The following PRMT8 variants were observed in gnomAD, a reference collection of about 807,000 sequenced individuals.
The protein encoded by PRMT8 is protein arginine methyltransferase 8, also known as protein arginine N-methyltransferase 8.
In PRMT8, 7 loss-of-function variants were observed where a neutral mutation model predicts 47.1. The observed-to-expected ratio is 0.15, with a 90% confidence interval of 0.08 to 0.28. The LOEUF is 0.28. Ranked by LOEUF, PRMT8 falls within the 10% of genes least tolerant of loss-of-function variation. The probability of loss-of-function intolerance (pLI) is 1.00; values close to 1 mark genes in which losing one functional copy is unlikely to be tolerated. For missense variants in PRMT8, 237 were observed against 505.4 expected (o/e 0.47, Z 5.09); for synonymous variants, 188 against 186.5 (o/e 1.01, Z -0.07).
intron 1 of PRMT8, among the ~76,000 whole-genome samples, chr12:3,457,968 G>A (rs982924304): frequency 6.6e-6 from 1 of 150,818 alleles, no homozygotes; most frequent in Admixed American, 6.6e-5. Flanking sequence ...TCAGCCTCCT[G>A]AGTAGCTGGG....
At chr12:3,451,697 G>A (rs1471898579) in intron 1 of PRMT8, among the ~76,000 whole-genome samples, 3 of 152,162 alleles carry the variant, frequency 2.0e-5, no homozygotes, top group Admixed American at 6.5e-5. Flanking sequence ...TTTCCCACCC[G>A]CTTAGGCCGC....
At chr12:3,464,984 C>T (rs534149155) in intron 1 of PRMT8, among the ~76,000 whole-genome samples, 2 of 151,266 alleles carry the variant, frequency 1.3e-5, no homozygotes, top group South Asian at 2.1e-4. Flanking sequence ...ATTAGCCGGG[C>T]GTGGTGGTGC....
At chr12:3,421,838 T>A (rs764510562) in intron 1 of PRMT8, among the ~76,000 whole-genome samples, 4 of 152,234 alleles carry the variant, frequency 2.6e-5, no homozygotes, top group Admixed American at 6.5e-5. Flanking sequence ...CTCAGAGCCA[T>A]GAGCAACGGG....
Position 3,583,020 on chromosome 12 carries a change from C to T in PRMT8, c.829-38C>T, listed in dbSNP as rs754994520. 1.5e-5 allele frequency: 24 copies of T among 1,597,454 alleles called. No homozygotes were observed. Among genetic ancestry groups the T allele is most frequent in the East Asian group, 9.0e-5 (4 of 44,536 alleles). On this transcript the variant is annotated intron_variant, in intron 7 of 9. Coordinates refer to ENST00000382622, the MANE Select transcript of PRMT8 (RefSeq NM_019854.5). The surrounding 1 kb of genome is among the most constrained non-coding windows in gnomAD (Gnocchi z 4.7). ...GACCGGGACCCAGACTTGGTGGAGG[C>T]GATAAGTTCCCGGCATTCTCTCTTC...
chr12:3,383,734 C>A (rs2137041960), intron 1 of PRMT8, among the ~76,000 whole-genome samples: 2 of 152,302 alleles, frequency 1.3e-5, no homozygotes, highest in African/African-American at 2.4e-5. Flanking sequence ...GTTTTACCCG[C>A]TCTAGGGCAT....
Position 3,468,341 on chromosome 12 carries a change from T to TCCCA in PRMT8, c.49-72265_49-72264insCCCA, listed in dbSNP as rs1865124501. ...CCCATCGGCCAGGAGGAGGAGATGT[T>TCCCA]TGATAGTTCTGCGATGTGCACAGAG... On this transcript the variant is annotated intron_variant, in intron 1 of 9. Coordinates refer to the PRMT8 transcript ENST00000452611. Among the ~76,000 whole-genome samples, 3 of 152,238 alleles carry TCCCA rather than the reference T, an allele frequency of 2.0e-5. No individual in the cohort carries two copies. The East Asian group carries it at 5.8e-4, about 29-fold the overall frequency.
chr12:3,585,557 G>A (rs1003920303), intron 8 of PRMT8, among the ~76,000 whole-genome samples: 1 of 146,762 alleles, frequency 6.8e-6, no homozygotes, highest in Non-Finnish European at 1.5e-5. Flanking sequence ...TGGTAGAGAT[G>A]GGGTCTTGCC....
chr12:3,581,828 TC>T (rs2137226908), intron 7 of PRMT8, among the ~76,000 whole-genome samples: 1 of 152,360 alleles, frequency 6.6e-6, no homozygotes, highest in South Asian at 2.1e-4. Flanking sequence ...AACCACTTTT[TC>T]TCTGTCCATC....
chr12:3,540,615 C>CCCCCCAAA lies in PRMT8; in HGVS notation c.90_91insAAACCCCC (p.Ser31LysfsTer38). The stretch of plus-strand genomic sequence containing the variant: ...CTTCTCTTCCCCTCAGGTGAACAGC[C>CCCCCCAAA]CCCCCTCCCAGCCCCCCCAGCCCGT... On this transcript the variant is annotated frameshift_variant, in exon 2 of 10. Coordinates refer to ENST00000382622, the MANE Select transcript of PRMT8 (RefSeq NM_019854.5). LOFTEE classifies it high-confidence loss of function. 1 of 1,058,774 alleles carries CCCCCCAAA rather than the reference C, an allele frequency of 9.4e-7. No homozygotes were observed. Among genetic ancestry groups the CCCCCCAAA allele is most frequent in the Non-Finnish European group, 1.5e-6 (1 of 684,574 alleles). The allele number at this position is 1,058,774 out of a possible 1,614,324, so 65.6% of individuals were successfully genotyped here. A position where few individuals can be genotyped will look rare whatever the true frequency, so the allele number is the denominator to read the frequency against.
intron 1 of PRMT8, among the ~76,000 whole-genome samples, chr12:3,438,171 G>A (rs1864763966): frequency 6.6e-6 from 1 of 152,168 alleles, no homozygotes; most frequent in African/African-American, 2.4e-5. Context: ...GAGGCATCTG[G>A]CTTATCCTAG....
At chr12:3,530,354 G>A (rs1866010349) in intron 1 of PRMT8, among the ~76,000 whole-genome samples, 1 of 152,070 alleles carries the variant, frequency 6.6e-6, no homozygotes, top group African/African-American at 2.4e-5. Flanking sequence ...GTATTAAGAG[G>A]GAAACACAGA....
chr12:3,392,041 G>A (rs926638643), intron 1 of PRMT8, among the ~76,000 whole-genome samples: 4 of 152,096 alleles, frequency 2.6e-5, no homozygotes, highest in African/African-American at 9.7e-5. Flanking sequence ...TGAAAGTGCA[G>A]GGCAAATTAA....
rs1864400896 is a variant in PRMT8 at position 3,409,045 on chromosome 12, C to T, written c.48+27603C>T. Among the ~76,000 whole-genome samples, 2 of 152,138 alleles carry T rather than the reference C, an allele frequency of 1.3e-5. No homozygotes were observed. The highest frequency in any genetic ancestry group is 6.5e-5 in the Admixed American group (1 of 15,280). Reference sequence around the variant, plus strand: ...TGCAGTGGTGCTGGGTTCTGGGGTGCAGGTGCTCAGAGTGGCTGTAAAGCC... The same window carrying T: ...TGCAGTGGTGCTGGGTTCTGGGGTGTAGGTGCTCAGAGTGGCTGTAAAGCC... On this transcript the variant is annotated intron_variant, in intron 1 of 9. Coordinates refer to the PRMT8 transcript ENST00000452611. This position sits in a 1 kb window ranked among gnomAD's most constrained non-coding sequence, Gnocchi z 4.4.
chr12:3,509,480 A>G (rs146052592), intron 1 of PRMT8, among the ~76,000 whole-genome samples: 9 of 152,312 alleles, frequency 5.9e-5, no homozygotes, highest in East Asian at 1.9e-4. Flanking sequence ...TTCCTCATCT[A>G]GAAGTCAACC....
chr12:3,434,077 C>A (rs143816770), intron 1 of PRMT8, among the ~76,000 whole-genome samples: 1 of 152,120 alleles, frequency 6.6e-6, no homozygotes, highest in Non-Finnish European at 1.5e-5. Context: ...TGAAAAGGAA[C>A]GTGAAGAGCC....
intron 2 of PRMT8, among the ~76,000 whole-genome samples, chr12:3,543,948 G>A (rs955566990): frequency 2.0e-5 from 3 of 152,258 alleles, no homozygotes; most frequent in South Asian, 2.1e-4. Context: ...CCTCAGCCAC[G>A]AGAAGAATCT....
At chr12:3,458,899 TG>T (rs1229120123) in intron 1 of PRMT8, among the ~76,000 whole-genome samples, 3 of 152,228 alleles carry the variant, frequency 2.0e-5, no homozygotes, top group African/African-American at 7.2e-5. Context: ...AGGGGGAGGC[TG>T]CTTTCTTTAC....
chr12:3,539,022 G>A (rs1230257179), intron 1 of PRMT8, among the ~76,000 whole-genome samples: 1 of 152,172 alleles, frequency 6.6e-6, no homozygotes, highest in African/African-American at 2.4e-5. Context: ...GTGATTCCAC[G>A]GAGGGGTTGA....
intron 1 of PRMT8, among the ~76,000 whole-genome samples, chr12:3,419,954 T>G (rs1864522513): frequency 1.0e-5 from 1 of 98,130 alleles, no homozygotes; most frequent in East Asian, 3.3e-4. Context: ...GGGGGGGTGG[T>G]TTGAGGGGGA....
Sources: allele counts gnomAD v4.1 joint callset (sites outside exome capture counted in the v4.1 genomes callset), GRCh38; gene constraint gnomAD v4.1.1; non-coding constraint Gnocchi (gnomAD v3.1); transcripts MANE v1.5; gene names NCBI Gene and HGNC (gene_info 2026-07-23, HGNC 2026-07-21).